ITGA8: variants seen among roughly 807,000 people sequenced by gnomAD.
ITGA8 encodes the protein integrin alpha-8.
Under a neutral mutation model 142.3 loss-of-function variants are expected in ITGA8, and 91 were observed. That is an observed-to-expected ratio of 0.64 (90% CI 0.54 to 0.76). The LOEUF is 0.76. Among genes scored for constraint, ITGA8 ranks in the 30% least tolerant of loss-of-function variants. ITGA8 has a pLI of 0.00. For missense variants in ITGA8, 1,406 were observed against 1,327.7 expected (o/e 1.06, Z -0.92); for synonymous variants, 505 against 485.2 (o/e 1.04, Z -0.54).
intron 2 of ITGA8, among the ~76,000 whole-genome samples, chr10:15,694,328 TATATC>T (rs1164461154): frequency 8.5e-6 from 1 of 117,406 alleles, no homozygotes; most frequent in Non-Finnish European, 1.7e-5. Context: ...TATATGATAA[TATATC>T]ATATATCAGA....
At chr10:15,633,369 C>T (rs1274336835) in intron 13 of ITGA8, among the ~76,000 whole-genome samples, 1 of 152,116 alleles carries the variant, frequency 6.6e-6, no homozygotes, top group Non-Finnish European at 1.5e-5. Flanking sequence ...ACAAACTAGG[C>T]AACATTTTCA....
intron 4 of ITGA8, among the ~76,000 whole-genome samples, chr10:15,679,694 G>A (rs925446718): frequency 6.6e-6 from 1 of 152,198 alleles, no homozygotes; most frequent in Non-Finnish European, 1.5e-5. Context: ...GTTCACAAAA[G>A]AGAAAATTCT....
At chr10:15,697,017 T>C (rs1006789249) in intron 2 of ITGA8, among the ~76,000 whole-genome samples, 2 of 148,280 alleles carry the variant, frequency 1.3e-5, no homozygotes, top group East Asian at 2.0e-4. Context: ...GTCTCTAAAG[T>C]CTCAGAGTAA....
Position 15,707,053 on chromosome 10 carries a change from A to G in ITGA8, c.343+11713T>C, listed in dbSNP as rs111699249. 1.6e-4 allele frequency among the ~76,000 whole-genome samples: 24 copies of G among 152,306 alleles called. 1 individual carries two copies. The highest frequency in any genetic ancestry group is 5.5e-4 in the African/African-American group (23 of 41,564). Reference sequence around the variant, plus strand: ...CCTGGCTCCTTTCCTCACTCAAATTAGGTCCTTGCTCAGATATCACCTCCT... The same window carrying G: ...CCTGGCTCCTTTCCTCACTCAAATTGGGTCCTTGCTCAGATATCACCTCCT... On this transcript the variant is annotated intron_variant, in intron 2 of 29. Coordinates refer to ENST00000378076, the MANE Select transcript of ITGA8 (RefSeq NM_003638.3).
intron 13 of ITGA8, among the ~76,000 whole-genome samples, chr10:15,634,030 T>C (rs1833728587): frequency 6.6e-6 from 1 of 152,162 alleles, no homozygotes; most frequent in Non-Finnish European, 1.5e-5. Context: ...AATCTCAGGG[T>C]CTTTGCTCAT....
rs199693210 is a variant in ITGA8, at chr10:15,677,624, A to G, written c.644T>C (p.Ile215Thr). 4.3e-6 allele frequency: 7 copies of G among 1,613,506 alleles called. 1 individual carries two copies. Among genetic ancestry groups the G allele is most frequent in the African/African-American group, 1.3e-5 (1 of 75,004 alleles). The change falls in exon 6 of 30, where the codon ATT (isoleucine) becomes ACT (threonine). Residue 215 changes from isoleucine (I) to threonine (T), a missense_variant. Transcript: ENST00000378076. ...GTAGAAACTCCCAGGTCCTCCCACA[A>G]TAAGGTCTCCATTCTACAAAACAGA... ...SLDFYKNGDLIVGGPGSFYWQ... is the reference protein window; with the variant it reads ...SLDFYKNGDLTVGGPGSFYWQ...
intron 27 of ITGA8, among the ~76,000 whole-genome samples, chr10:15,543,477 T>C (rs979116537): frequency 2.6e-5 from 4 of 152,226 alleles, no homozygotes; most frequent in Non-Finnish European, 4.4e-5. Context: ...TCAGATGACT[T>C]CAGCCCCAAC....
chr10:15,718,658 C>G, intron 2 of ITGA8, 108 bp downstream of exon 2: 1 of 1,393,384 alleles, frequency 7.2e-7, no homozygotes, highest in Non-Finnish European at 9.9e-7. Context: ...ACGGACATAT[C>G]AGACAAGCTA....
At chr10:15,675,723 AAAC>A (rs553481456) in intron 6 of ITGA8, among the ~76,000 whole-genome samples, 28 of 152,340 alleles carry the variant, frequency 1.8e-4, no homozygotes, top group African/African-American at 6.5e-4. Flanking sequence ...CACTCAGGAC[AAAC>A]AACATCTTCT....
At chr10:15,651,183 T>C (rs1834078874) in intron 11 of ITGA8, among the ~76,000 whole-genome samples, 1 of 151,028 alleles carries the variant, frequency 6.6e-6, no homozygotes, top group Non-Finnish European at 1.5e-5. Flanking sequence ...ACTATAACAC[T>C]CAAAAGCCGT....
chr10:15,678,126 G>C (rs1260115996), intron 5 of ITGA8, among the ~76,000 whole-genome samples: 3 of 152,024 alleles, frequency 2.0e-5, no homozygotes, highest in South Asian at 4.2e-4. Flanking sequence ...CTCATGAATT[G>C]ACATCCTCAC....
chr10:15,635,595 A>G (rs1264716571), intron 13 of ITGA8, among the ~76,000 whole-genome samples: 1 of 152,166 alleles, frequency 6.6e-6, no homozygotes, highest in Non-Finnish European at 1.5e-5. Flanking sequence ...TTGAAGTCCA[A>G]GAGCTCTCCC....
chr10:15,654,023 ACATGGTTTCACCACATTGGTCAGG>A (rs1834138381), intron 11 of ITGA8, among the ~76,000 whole-genome samples: 2 of 151,800 alleles, frequency 1.3e-5, no homozygotes, highest in Non-Finnish European at 2.9e-5. Flanking sequence ...TTTAGTAGAG[ACATGGTTTCACCACATTGGTCAGG>A]CTGGCCTCGA....
At chr10:15,546,925 A>C (rs1338317176) in intron 27 of ITGA8, among the ~76,000 whole-genome samples, 1 of 152,108 alleles carries the variant, frequency 6.6e-6, no homozygotes, top group Non-Finnish European at 1.5e-5. Context: ...CTTTAAAACA[A>C]AACTTTAATT....
chr10:15,576,518 A>G (rs2131584357), intron 23 of ITGA8, among the ~76,000 whole-genome samples: 1 of 152,344 alleles, frequency 6.6e-6, no homozygotes, highest in East Asian at 1.9e-4. Context: ...CTTTCAACTG[A>G]AAGTAACCTC....
chr10:15,679,747 C>G (rs1296185553), intron 4 of ITGA8, among the ~76,000 whole-genome samples: 1 of 152,168 alleles, frequency 6.6e-6, no homozygotes, highest in South Asian at 2.1e-4. Flanking sequence ...GATTCACTAA[C>G]TCATTGTCCA....
Position 15,604,194 on chromosome 10 carries a change from T to C in ITGA8, c.2118+14A>G. ...ATACCTAGCTCTTGACTTCAAACAATTTGCAGGCATTACCTTGTTGTTGCG... is the reference window on the plus strand; with the variant it reads ...ATACCTAGCTCTTGACTTCAAACAACTTGCAGGCATTACCTTGTTGTTGCG... On this transcript the variant is annotated intron_variant, in intron 20 of 29. Transcript: ENST00000378076. The C allele has an allele frequency of 6.2e-7, 1 of 1,600,688 alleles. No individual in the cohort carries two copies.
intron 27 of ITGA8, among the ~76,000 whole-genome samples, chr10:15,547,344 C>T (rs996334112): frequency 3.9e-5 from 6 of 152,100 alleles, no homozygotes; most frequent in South Asian, 2.1e-4. Context: ...GACTGAAGCA[C>T]GTGGATCAGT....
intron 13 of ITGA8, among the ~76,000 whole-genome samples, chr10:15,629,524 T>G (rs1190003394): frequency 6.6e-6 from 1 of 151,992 alleles, no homozygotes; most frequent in East Asian, 1.9e-4. Flanking sequence ...GCAGATTCAC[T>G]GAGCCAGACA....
Sources: gnomAD v4.1 joint callset for allele counts (sites outside exome capture counted in the v4.1 genomes callset) on GRCh38, gnomAD v4.1.1 for gene constraint, MANE v1.5 for transcripts, NCBI Gene and HGNC (gene_info 2026-07-23, HGNC 2026-07-21) for gene names.